CDH18: variants seen among roughly 807,000 people sequenced by gnomAD.
CDH18 encodes cadherin 18, also known as cadherin-18.
In CDH18, 31 loss-of-function variants were observed where a neutral mutation model predicts 67.9. The ratio of observed to expected loss-of-function variants is 0.46; its 90% CI spans 0.34 to 0.62. The LOEUF is 0.62. Among genes scored for constraint, CDH18 ranks in the 20% least tolerant of loss-of-function variants. The pLI is 0.01. For synonymous variants in CDH18, 362 were observed against 347.2 expected (o/e 1.04, Z -0.48); for missense variants, 890 against 975.5 (o/e 0.91, Z 1.17).
At chr5:19,786,847 G>C (rs973592653) in intron 3 of CDH18, among the ~76,000 whole-genome samples, 2 of 152,086 alleles carry the variant, frequency 1.3e-5, no homozygotes, top group African/African-American at 4.8e-5. Flanking sequence ...CATGGCTGGG[G>C]GGGTGTTGGG....
chr5:20,027,380 A>T (rs997439271), intron 2 of CDH18, among the ~76,000 whole-genome samples: 5 of 152,310 alleles, frequency 3.3e-5, no homozygotes, highest in Admixed American at 6.5e-5. Flanking sequence ...CATTTTGATA[A>T]ACGGCTATGT....
chr5:20,435,915 CATT>C (rs774003125), intron 1 of CDH18, among the ~76,000 whole-genome samples: 3 of 151,888 alleles, frequency 2.0e-5, no homozygotes, highest in South Asian at 2.1e-4. Context: ...TTATTGATAT[CATT>C]ATTATCATCA....
intron 1 of CDH18, among the ~76,000 whole-genome samples, chr5:20,411,076 AT>A (rs1351898922): frequency 2.0e-5 from 3 of 152,022 alleles, no homozygotes. Context: ...GAAAGTCCCA[AT>A]TAATTTTTTA....
intron 2 of CDH18, among the ~76,000 whole-genome samples, chr5:19,868,025 G>A (rs1467050195): frequency 2.0e-5 from 3 of 152,130 alleles, no homozygotes; most frequent in African/African-American, 4.8e-5. Flanking sequence ...GAAGAAGGAC[G>A]TGTTTGCTTC....
intron 1 of CDH18, among the ~76,000 whole-genome samples, chr5:20,538,958 A>C (rs1190201415): frequency 7.9e-6 from 1 of 126,650 alleles, no homozygotes; most frequent in African/African-American, 3.0e-5. Flanking sequence ...TCACGATCTC[A>C]GCTCACTGCA....
intron 2 of CDH18, among the ~76,000 whole-genome samples, chr5:20,095,589 G>GA (rs1745915545): frequency 1.4e-5 from 2 of 141,744 alleles, no homozygotes; most frequent in African/African-American, 2.6e-5. Flanking sequence ...AGGAAGAAAG[G>GA]AAGAAAGAAG....
intron 5 of CDH18, among the ~76,000 whole-genome samples, chr5:19,642,580 A>T (rs1020240267): frequency 6.6e-6 from 1 of 152,074 alleles, no homozygotes; most frequent in African/African-American, 2.4e-5. Context: ...GGGAAATTAT[A>T]ATCTCTTTGA....
At chr5:19,973,345 C>G (rs1199173472) in intron 2 of CDH18, among the ~76,000 whole-genome samples, 2 of 152,000 alleles carry the variant, frequency 1.3e-5, no homozygotes, top group African/African-American at 4.8e-5. Context: ...AGGTAATATT[C>G]CATTTTGTAA....
intron 1 of CDH18, among the ~76,000 whole-genome samples, chr5:20,315,409 GA>G (rs1227120623): frequency 6.6e-6 from 1 of 151,858 alleles, no homozygotes. Context: ...TCTTCTAGAA[GA>G]AAAAAAGTGA....
intron 1 of CDH18, among the ~76,000 whole-genome samples, chr5:20,423,540 T>G (rs1239341577): frequency 6.6e-6 from 1 of 150,814 alleles, no homozygotes; most frequent in Non-Finnish European, 1.5e-5. Context: ...GCAACAATAC[T>G]GCAAGTAGAA....
At chr5:19,689,286 T>C (rs1391686069) in intron 5 of CDH18, among the ~76,000 whole-genome samples, 3 of 151,978 alleles carry the variant, frequency 2.0e-5, no homozygotes, top group African/African-American at 7.2e-5. Context: ...GCAGGGTGTC[T>C]TGTTATATGT....
chr5:19,811,086 GA>G (rs1320044917), intron 3 of CDH18, among the ~76,000 whole-genome samples: 2 of 17,854 alleles, frequency 1.1e-4, no homozygotes, highest in South Asian at 3.4e-3. Context: ...GAAAAAGAAA[GA>G]AAGAAAGAAA....
intron 3 of CDH18, among the ~76,000 whole-genome samples, chr5:19,759,335 C>T (rs1356120553): frequency 6.6e-6 from 1 of 152,156 alleles, no homozygotes; most frequent in African/African-American, 2.4e-5. Flanking sequence ...TGCAATCCCT[C>T]CAGGGATGCA....
chr5:19,838,965 A>G lies in CDH18; in HGVS notation c.22T>C (p.Cys8Arg). Residue 8 changes from cysteine (C) to arginine (R), a missense_variant, in exon 3 of 13, where the codon TGC (cysteine) becomes CGC (arginine). Cys to Arg is a radical substitution (Grantham distance 180, BLOSUM62 -3). This residue lies in a region of CDH18 where 234 missense variants were observed against 307.4 expected (regional missense o/e 0.76). Transcript: ENST00000382275. ...AGACACACTAGGACTGGACAGATGC[A>G]AGATGTGCTAGTAATTTTCATTGTA... MKITSTS[C>R]ICPVLVCLCF... 1 of 1,612,876 alleles carries G rather than the reference A, an allele frequency of 6.2e-7. No individual in the cohort carries two copies. The highest frequency in any genetic ancestry group is 8.5e-7 in the Non-Finnish European group (1 of 1,178,892).
intron 2 of CDH18, among the ~76,000 whole-genome samples, chr5:20,136,471 T>G (rs1470537212): frequency 1.3e-5 from 2 of 152,124 alleles, no homozygotes; most frequent in Admixed American, 6.6e-5. Flanking sequence ...TTATTTTGAG[T>G]CTATGTGTGT....
At chr5:19,605,245 T>C (rs773319438) in intron 6 of CDH18, among the ~76,000 whole-genome samples, 2 of 151,806 alleles carry the variant, frequency 1.3e-5, no homozygotes, top group Admixed American at 1.3e-4. Context: ...ATCAGAAGAA[T>C]GTAATACTAT....
chr5:20,095,299 AAAAGAAAGAAAGAAAG>A (rs201165191), intron 2 of CDH18, among the ~76,000 whole-genome samples: 14,712 of 72,770 alleles, frequency 0.2, 1,824 homozygotes, highest in Middle Eastern at 0.32. Context: ...AACTTAAAGT[AAAAGAAAGAAAGAAAG>A]AAAGAAAGAA....
chr5:19,954,496 G>A (rs1179259526), intron 2 of CDH18, among the ~76,000 whole-genome samples: 2 of 151,834 alleles, frequency 1.3e-5, no homozygotes, highest in African/African-American at 4.8e-5. Context: ...GATGTATTTG[G>A]AAAATAGCCC....
At chr5:20,528,076 G>A (rs776386477) in intron 1 of CDH18, among the ~76,000 whole-genome samples, 3 of 151,970 alleles carry the variant, frequency 2.0e-5, no homozygotes. Flanking sequence ...AATTTACCAA[G>A]CAAATGAAAA....
Sources: gnomAD v4.1 joint callset for allele counts (sites outside exome capture counted in the v4.1 genomes callset) on GRCh38, gnomAD v4.1.1 for gene constraint, gnomAD v4.1.1 regional missense constraint, MANE v1.5 for transcripts, NCBI Gene and HGNC (gene_info 2026-07-23, HGNC 2026-07-21) for gene names.